The following LUZP2 variants were observed in gnomAD, a reference collection of about 807,000 sequenced individuals.
LUZP2 encodes leucine zipper protein 2.
In LUZP2, 52 loss-of-function variants were observed where a neutral mutation model predicts 51.6. The observed-to-expected ratio is 1.01, with a 90% confidence interval of 0.81 to 1.27. The LOEUF (loss-of-function observed/expected upper bound fraction) is 1.27, where lower values mean the gene tolerates loss of function less well. LUZP2 is among the 50% of genes most tolerant of loss of function. The pLI, the probability that LUZP2 is intolerant of heterozygous loss-of-function variation, is 0.00. For synonymous variants in LUZP2, 154 were observed against 137.3 expected, an observed-to-expected ratio of 1.12 and a Z score of -0.85; for missense variants, 436 against 395.4, an observed-to-expected ratio of 1.10 and a Z score of -0.87.
chr11:24,746,501 A>C (rs1336134105), intron 4 of LUZP2, among the ~76,000 whole-genome samples: 2 of 152,098 alleles, frequency 1.3e-5, no homozygotes, highest in Non-Finnish European at 2.9e-5. Flanking sequence ...CTTCATCTTA[A>C]CTTTAGATAA....
At chr11:25,008,272 G>A (rs1856889906) in intron 9 of LUZP2, among the ~76,000 whole-genome samples, 1 of 152,202 alleles carries the variant, frequency 6.6e-6, no homozygotes, top group African/African-American at 2.4e-5. Context: ...TTGGTCAATG[G>A]TGGGTAGATG....
intron 1 of LUZP2, among the ~76,000 whole-genome samples, chr11:24,632,115 T>G (rs1319245113): frequency 6.6e-6 from 1 of 152,032 alleles, no homozygotes; most frequent in Non-Finnish European, 1.5e-5. Flanking sequence ...ATTTCACATT[T>G]GAGAATATGT....
intron 7 of LUZP2, among the ~76,000 whole-genome samples, chr11:24,917,090 A>G (rs1853812821): frequency 6.6e-6 from 1 of 152,118 alleles, no homozygotes; most frequent in Non-Finnish European, 1.5e-5. Context: ...GCCAGTGATG[A>G]TGAGCATTTT....
chr11:24,896,693 C>T (rs1036523871), intron 5 of LUZP2, among the ~76,000 whole-genome samples: 7 of 152,232 alleles, frequency 4.6e-5, no homozygotes, highest in Non-Finnish European at 7.3e-5. Flanking sequence ...GTGCACCCTA[C>T]GGGACTGGTG....
At chr11:24,976,556 G>T in intron 7 of LUZP2, 35 bp from the exon 8 acceptor site, 1 of 1,479,290 alleles carries the variant, frequency 6.8e-7, no homozygotes, top group Non-Finnish European at 9.2e-7. Context: ...GGAAATTGCA[G>T]AATTTATCTA....
intron 7 of LUZP2, among the ~76,000 whole-genome samples, chr11:24,954,215 A>C (rs1166141186): frequency 6.6e-6 from 1 of 152,050 alleles, no homozygotes; most frequent in Non-Finnish European, 1.5e-5. Context: ...CTCCAAGGAA[A>C]AAAAAGGAGG....
chr11:24,547,555 G>A (rs1322218650), intron 1 of LUZP2, among the ~76,000 whole-genome samples: 2 of 152,000 alleles, frequency 1.3e-5, no homozygotes, highest in African/African-American at 4.8e-5. Flanking sequence ...TTTACCATAT[G>A]TAATACAAAA....
intron 6 of LUZP2, among the ~76,000 whole-genome samples, chr11:24,908,060 C>G (rs1342263661): frequency 1.3e-5 from 2 of 151,842 alleles, no homozygotes; most frequent in Admixed American, 6.6e-5. Flanking sequence ...AATATGGTGG[C>G]AAATTTAATT....
chr11:24,565,046 A>C (rs2133781668), intron 1 of LUZP2, among the ~76,000 whole-genome samples: 1 of 152,282 alleles, frequency 6.6e-6, no homozygotes, highest in East Asian at 1.9e-4. Context: ...ACAAAATACT[A>C]TTTTTGTTTG....
At chr11:24,507,190 C>A (rs1421439618) in intron 1 of LUZP2, among the ~76,000 whole-genome samples, 1 of 152,064 alleles carries the variant, frequency 6.6e-6, no homozygotes, top group East Asian at 1.9e-4. Context: ...TATTTCAGTT[C>A]CTACCCTAGA....
chr11:24,732,324 C>T (rs904752216), intron 3 of LUZP2, 136 bp downstream of exon 3: 2 of 630,906 alleles, frequency 3.2e-6, no homozygotes. Context: ...ATGCAATTCA[C>T]TTGGGAATCT....
chr11:24,858,181 G>T (rs1851627521), intron 5 of LUZP2, among the ~76,000 whole-genome samples: 1 of 152,080 alleles, frequency 6.6e-6, no homozygotes, highest in African/African-American at 2.4e-5. Context: ...TTCTTCAGGG[G>T]TAATTGTTGA....
At chr11:24,555,119 C>T (rs1851828091) in intron 1 of LUZP2, among the ~76,000 whole-genome samples, 1 of 151,926 alleles carries the variant, frequency 6.6e-6, no homozygotes, top group Admixed American at 6.6e-5. Context: ...GACCACGAGG[C>T]AATTTTAAAC....
intron 1 of LUZP2, among the ~76,000 whole-genome samples, chr11:24,562,290 A>G (rs1416736238): frequency 6.6e-6 from 1 of 152,142 alleles, no homozygotes; most frequent in African/African-American, 2.4e-5. Flanking sequence ...AAAATGTGGT[A>G]AAGAACAGAG....
rs572365939 is a variant in LUZP2 at position 24,898,506 on chromosome 11, C to T, written c.397-7485C>T. On this transcript the variant is annotated intron_variant, in intron 5 of 11. Transcript: ENST00000336930. ...GGGCGTGGTGGTGGGCGCCTGTAGT[C>T]CCGCTACGCGGGAGCCTGAGGCAGG... is the stretch of plus-strand genomic sequence containing the variant. 5.9e-5 allele frequency among the ~76,000 whole-genome samples: 9 copies of T among 152,222 alleles called. No homozygotes were observed. In the East Asian group the frequency reaches 1.7e-3, roughly 29 times the overall value.
chr11:24,755,931 C>G (rs141399123), intron 4 of LUZP2, among the ~76,000 whole-genome samples: 1,884 of 152,182 alleles, frequency 0.012, 23 homozygotes, highest in Non-Finnish European at 0.018. Flanking sequence ...CCTTCCAAGC[C>G]CTCCAATCCT....
intron 7 of LUZP2, among the ~76,000 whole-genome samples, chr11:24,958,611 TC>T (rs1291759567): frequency 6.6e-6 from 1 of 152,062 alleles, no homozygotes; most frequent in African/African-American, 2.4e-5. Flanking sequence ...TTTGTTTTTT[TC>T]TTGTAAATTT....
intron 6 of LUZP2, among the ~76,000 whole-genome samples, chr11:24,911,689 C>A (rs1853642266): frequency 6.6e-6 from 1 of 152,140 alleles, no homozygotes; most frequent in Non-Finnish European, 1.5e-5. Flanking sequence ...TTCCTTATAG[C>A]AGTGTGAGAA....
At chr11:24,855,059 G>A (rs1444479961) in intron 5 of LUZP2, among the ~76,000 whole-genome samples, 2 of 152,102 alleles carry the variant, frequency 1.3e-5, no homozygotes, top group Non-Finnish European at 2.9e-5. Flanking sequence ...GCTATAGACT[G>A]GAGCTGTTCC....
Sources: gnomAD v4.1 joint callset for allele counts (sites outside exome capture counted in the v4.1 genomes callset) on GRCh38, gnomAD v4.1.1 for gene constraint, MANE v1.5 for transcripts, NCBI Gene and HGNC (gene_info 2026-07-23, HGNC 2026-07-21) for gene names.